The following PCDHGA5 variants were observed in gnomAD, a reference collection of about 807,000 sequenced individuals.
PCDHGA5 encodes protocadherin gamma subfamily A, 5.
In PCDHGA5, 36 loss-of-function variants were observed where a neutral mutation model predicts 56.7. The ratio of observed to expected loss-of-function variants is 0.64; its 90% CI spans 0.49 to 0.84. The LOEUF (loss-of-function observed/expected upper bound fraction) is 0.84, where lower values mean the gene tolerates loss of function less well. PCDHGA5 is among the 40% of genes least tolerant of loss of function. The pLI is 0.00. For missense variants in PCDHGA5, 1,305 were observed against 1,201.5 expected (o/e 1.09, Z -1.27); for synonymous variants, 563 against 520.2 (o/e 1.08, Z -1.12).
At chr5:141,388,612 G>T in intron 1 of PCDHGA5, 1 of 1,613,954 alleles carries the variant, frequency 6.2e-7, no homozygotes, top group Non-Finnish European at 8.5e-7. Flanking sequence ...CCAGTGTTCA[G>T]TCAAGACGTA....
At chr5:141,399,256 G>T in intron 1 of PCDHGA5, 3 of 1,613,964 alleles carry the variant, frequency 1.9e-6, no homozygotes, top group Non-Finnish European at 2.5e-6. Flanking sequence ...GGAAAATGGG[G>T]AGGTTAATTG....
At chr5:141,423,750 TGGGGGGGG>T in intron 1 of PCDHGA5, 1 of 287,524 alleles carries the variant, frequency 3.5e-6, no homozygotes, top group Non-Finnish European at 4.5e-6. Flanking sequence ...GAAAACTGTT[TGGGGGGGG>T]GGTGGGGCGG....
chr5:141,500,184 T>TTTTA (rs58019021), intron 2 of PCDHGA5, among the ~76,000 whole-genome samples: 28,743 of 135,782 alleles, frequency 0.21, 3,285 homozygotes, highest in African/African-American at 0.3. Context: ...TCATTTTTAT[T>TTTTA]TTTATTTATT....
At chr5:141,388,706 TGCC>T (rs2091460898) in intron 1 of PCDHGA5, 2 of 1,613,856 alleles carry the variant, frequency 1.2e-6, no homozygotes, top group Non-Finnish European at 1.7e-6. Flanking sequence ...AGGGTGTCAA[TGCC>T]GAGATTACTT....
At chr5:141,384,582 G>A (rs542176226) in intron 1 of PCDHGA5, 5 of 1,614,230 alleles carry the variant, frequency 3.1e-6, no homozygotes, top group Non-Finnish European at 4.2e-6. Context: ...ACCCGCCCGA[G>A]ATCCTGTACC....
intron 1 of PCDHGA5, chr5:141,439,845 T>C (rs983341549): frequency 6.6e-6 from 1 of 152,252 alleles, no homozygotes; most frequent in Non-Finnish European, 1.5e-5. Flanking sequence ...ACTCTAACTG[T>C]GGAAAAGGTG....
Position 141,491,176 on chromosome 5 carries a change from G to A in PCDHGA5, c.2422-3631G>A. The A allele has an allele frequency of 1.2e-6, 2 of 1,614,210 alleles. No homozygotes were observed. The highest frequency in any genetic ancestry group is 8.5e-7 in the Non-Finnish European group (1 of 1,180,024). On this transcript the variant is annotated intron_variant, in intron 1 of 3. Transcript: ENST00000518069. The surrounding 1 kb of genome is among the most constrained non-coding windows in gnomAD (Gnocchi z 6.9). ...TGACTCTGACACCCAGCAGGTGGTG[G>A]TCCTGGTGAGGGACAATGGTGACCC...
In PCDHGA5 at chr5:141,493,985, C is replaced by A. The variant is rs1444608753; in HGVS notation, c.2422-822C>A. On this transcript the variant is annotated intron_variant, in intron 1 of 3. Coordinates refer to ENST00000518069, the MANE Select transcript of PCDHGA5 (RefSeq NM_018918.3). This position sits in a 1 kb window ranked among gnomAD's most constrained non-coding sequence, Gnocchi z 4.3. ...GCTGGCCAGAGCCCCACACCTTCAGCTAGGTGGGAGATGGCTACACATCAG... is the reference window on the plus strand; with the variant it reads ...GCTGGCCAGAGCCCCACACCTTCAGATAGGTGGGAGATGGCTACACATCAG... Among the ~76,000 whole-genome samples the A allele has an allele frequency of 6.6e-6, 1 of 152,196 alleles. No individual in the cohort carries two copies. The highest frequency in any genetic ancestry group is 1.5e-5 in the Non-Finnish European group (1 of 68,032).
At chr5:141,374,258 T>G (rs1770318137) in intron 1 of PCDHGA5, 2 of 1,613,806 alleles carry the variant, frequency 1.2e-6, no homozygotes, top group African/African-American at 1.3e-5. Flanking sequence ...GCCCCAGGAG[T>G]TGGCGGAGCA....
chr5:141,399,909 A>G (rs1181363803), intron 1 of PCDHGA5: 6 of 1,612,410 alleles, frequency 3.7e-6, no homozygotes, highest in East Asian at 4.5e-5. Flanking sequence ...ACGCAGACTC[A>G]GGACACAACG....
chr5:141,383,786 C>T, intron 1 of PCDHGA5: 1 of 1,613,928 alleles, frequency 6.2e-7, no homozygotes, highest in South Asian at 1.1e-5. Context: ...CATCTGAACT[C>T]GCTTACAGGA....
At chr5:141,403,774 C>A (rs1350465491) in intron 1 of PCDHGA5, 1 of 1,613,786 alleles carries the variant, frequency 6.2e-7, no homozygotes, top group Non-Finnish European at 8.5e-7. Context: ...AGGGAATCAA[C>A]GGAAAAGTGG....
chr5:141,404,109 TCCAGGAGAATCTATCTTTTA>T, intron 1 of PCDHGA5: 1 of 1,613,518 alleles, frequency 6.2e-7, no homozygotes, highest in East Asian at 2.2e-5. Flanking sequence ...GTCTGTTCTA[TCCAGGAGAATCTATCTTTTA>T]CATTAGAAAA....
chr5:141,405,359 G>A, intron 1 of PCDHGA5: 2 of 1,614,018 alleles, frequency 1.2e-6, no homozygotes, highest in Non-Finnish European at 1.7e-6. Context: ...TCCTATAGAA[G>A]ACACCCCTTT....
intron 1 of PCDHGA5, among the ~76,000 whole-genome samples, chr5:141,471,791 A>C (rs904614629): frequency 1.3e-5 from 2 of 152,238 alleles, no homozygotes; most frequent in Admixed American, 1.3e-4. Context: ...ATGCTATGTC[A>C]TATAAAAGAC....
At position 141,432,436 on chromosome 5, in the gene PCDHGA5, G is replaced by C; in HGVS notation, c.2422-62371G>C. ...TCGTGCTGGACCAGAACGACAATGC[G>C]CCCGAGATCCTGTACCCCGCCCTCC... On this transcript the variant is annotated intron_variant, in intron 1 of 3. Transcript: ENST00000518069. This position sits in a 1 kb window ranked among gnomAD's most constrained non-coding sequence, Gnocchi z 6.0. 1 of 1,614,196 alleles carries C rather than the reference G, an allele frequency of 6.2e-7. No individual in the cohort carries two copies. Among genetic ancestry groups the C allele is most frequent in the Middle Eastern group, 1.6e-4 (1 of 6,062 alleles).
In PCDHGA5 at chr5:141,432,293, G is replaced by T. The variant is rs765631138; in HGVS notation, c.2422-62514G>T. ...CTACGTGTCCATCAACTCCGACACT[G>T]GGGTACTGTATGCGCTGAGCTCCTT... On this transcript the variant is annotated intron_variant, in intron 1 of 3. Coordinates refer to ENST00000518069, the MANE Select transcript of PCDHGA5 (RefSeq NM_018918.3). The surrounding 1 kb of genome is among the most constrained non-coding windows in gnomAD (Gnocchi z 6.0). 1.2e-6 allele frequency: 2 copies of T among 1,614,136 alleles called. No individual in the cohort carries two copies. Among genetic ancestry groups the T allele is most frequent in the African/African-American group, 1.3e-5 (1 of 74,950 alleles).
chr5:141,417,678 A>G (rs1306009640), intron 1 of PCDHGA5: 4 of 997,368 alleles, frequency 4.0e-6, no homozygotes, highest in Non-Finnish European at 5.7e-6. Flanking sequence ...GCAGCCAACA[A>G]CAGAAAAGAA....
intron 1 of PCDHGA5, among the ~76,000 whole-genome samples, chr5:141,484,184 AG>A (rs1328674334): frequency 6.6e-6 from 1 of 152,244 alleles, no homozygotes; most frequent in Non-Finnish European, 1.5e-5. Flanking sequence ...CAATCATTCA[AG>A]GAAGCTATTA....
Sources: allele counts gnomAD v4.1 joint callset (sites outside exome capture counted in the v4.1 genomes callset), GRCh38; gene constraint gnomAD v4.1.1; non-coding constraint Gnocchi (gnomAD v3.1); transcripts MANE v1.5; gene names NCBI Gene and HGNC (gene_info 2026-07-23, HGNC 2026-07-21).